Variants in PTPRK observed in about 807,000 individuals in gnomAD.
The protein encoded by PTPRK is protein tyrosine phosphatase receptor type K.
PTPRK carries 75 observed loss-of-function variants against 178.0 expected under a neutral mutation model. That is an observed-to-expected ratio of 0.42 (90% CI 0.35 to 0.51). PTPRK has a LOEUF of 0.51. Among genes scored for constraint, PTPRK ranks in the 20% least tolerant of loss-of-function variants. The pLI is 0.02. For missense variants in PTPRK, 1,441 were observed against 1,797.8 expected, an observed-to-expected ratio of 0.80 and a Z score of 3.59; for synonymous variants, 637 against 620.6, an observed-to-expected ratio of 1.03 and a Z score of -0.39.
chr6:128,372,631 T>G (rs934764492), intron 2 of PTPRK, among the ~76,000 whole-genome samples: 1 of 152,126 alleles, frequency 6.6e-6, no homozygotes, highest in Non-Finnish European at 1.5e-5. Flanking sequence ...AATACTTGAT[T>G]TTAGGTTACT....
At chr6:128,260,813 T>A (rs1428520393) in intron 3 of PTPRK, among the ~76,000 whole-genome samples, 1 of 152,150 alleles carries the variant, frequency 6.6e-6, no homozygotes, top group Non-Finnish European at 1.5e-5. Context: ...TAGAAGATGC[T>A]GCAAAAATAT....
chr6:128,494,730 G>A (rs943885300), intron 1 of PTPRK, among the ~76,000 whole-genome samples: 1 of 152,318 alleles, frequency 6.6e-6, no homozygotes, highest in South Asian at 2.1e-4. Context: ...TTTAAAATCT[G>A]CCCATGATGT....
At chr6:128,169,253 T>C (rs1041248478) in intron 7 of PTPRK, among the ~76,000 whole-genome samples, 5 of 152,126 alleles carry the variant, frequency 3.3e-5, no homozygotes, top group African/African-American at 7.2e-5. Flanking sequence ...GTGAGCTATA[T>C]GTAAATTTGT....
chr6:128,100,337 A>G (rs921211144), intron 7 of PTPRK, among the ~76,000 whole-genome samples: 6 of 152,120 alleles, frequency 3.9e-5, no homozygotes, highest in African/African-American at 1.4e-4. Flanking sequence ...ATTTTTTTAA[A>G]TTACTAGAAT....
chr6:128,001,614 A>G (rs1472513654), intron 15 of PTPRK, among the ~76,000 whole-genome samples: 1 of 151,986 alleles, frequency 6.6e-6, no homozygotes, highest in South Asian at 2.1e-4. Context: ...TAATTATTAC[A>G]GTTTATAAAA....
chr6:128,289,209 C>T (rs986809160), intron 3 of PTPRK, among the ~76,000 whole-genome samples: 12 of 152,108 alleles, frequency 7.9e-5, no homozygotes, highest in African/African-American at 2.9e-4. Context: ...TTCTTAAAGA[C>T]TCTGACATTA....
chr6:128,218,899 A>ATT, intron 6 of PTPRK, 23 bp downstream of exon 6: 3 of 1,583,970 alleles, frequency 1.9e-6, no homozygotes, highest in Non-Finnish European at 2.6e-6. Flanking sequence ...CAATTTCGTG[A>ATT]AGTGAAAACA....
At chr6:128,250,775 G>A (rs1158371182) in intron 3 of PTPRK, among the ~76,000 whole-genome samples, 1 of 152,110 alleles carries the variant, frequency 6.6e-6, no homozygotes, top group African/African-American at 2.4e-5. Flanking sequence ...TAAAATTCTA[G>A]AATCTAGTTA....
intron 1 of PTPRK, among the ~76,000 whole-genome samples, chr6:128,445,437 G>C (rs1408445830): frequency 6.7e-6 from 1 of 149,390 alleles, no homozygotes; most frequent in Non-Finnish European, 1.5e-5. Flanking sequence ...ATCATCTATT[G>C]TATTAGTCCC....
At chr6:128,458,578 C>T (rs980110899) in intron 1 of PTPRK, among the ~76,000 whole-genome samples, 4 of 152,172 alleles carry the variant, frequency 2.6e-5, no homozygotes, top group South Asian at 2.1e-4. Context: ...TTTTTATGTG[C>T]GCATGTGCAC....
chr6:128,101,108 A>T (rs1236840002), intron 7 of PTPRK, among the ~76,000 whole-genome samples: 1 of 152,084 alleles, frequency 6.6e-6, no homozygotes, highest in Non-Finnish European at 1.5e-5. Context: ...ATCTGTATAA[A>T]TATTCACAGA....
intron 13 of PTPRK, among the ~76,000 whole-genome samples, chr6:128,019,139 A>G (rs1215932488): frequency 6.6e-6 from 1 of 152,212 alleles, no homozygotes; most frequent in Admixed American, 6.5e-5. Flanking sequence ...TTCAACAAAA[A>G]AAGTCCAACT....
intron 3 of PTPRK, among the ~76,000 whole-genome samples, chr6:128,309,902 C>T (rs1384500572): frequency 6.6e-6 from 1 of 151,850 alleles, no homozygotes; most frequent in Non-Finnish European, 1.5e-5. Context: ...CTCCCTTATC[C>T]ACTGTCTTTC....
intron 1 of PTPRK, among the ~76,000 whole-genome samples, chr6:128,419,568 C>T (rs1325735413): frequency 6.7e-6 from 1 of 150,094 alleles, no homozygotes; most frequent in East Asian, 2.0e-4. Flanking sequence ...GAGATTGCGC[C>T]ACTGCACCAC....
chr6:128,411,797 A>C (rs1319058948), intron 1 of PTPRK, among the ~76,000 whole-genome samples: 4 of 152,220 alleles, frequency 2.6e-5, no homozygotes, highest in African/African-American at 9.6e-5. Flanking sequence ...AAAAGATCAC[A>C]TATATTCCCA....
At chr6:128,038,417 A>G (rs1229427554) in intron 13 of PTPRK, among the ~76,000 whole-genome samples, 3 of 137,430 alleles carry the variant, frequency 2.2e-5, no homozygotes, top group Non-Finnish European at 4.6e-5. Flanking sequence ...ATCTCAATTT[A>G]TTTGTATGGC....
intron 6 of PTPRK, among the ~76,000 whole-genome samples, chr6:128,197,200 G>A (rs1805027197): frequency 1.9e-5 from 2 of 107,376 alleles, no homozygotes; most frequent in East Asian, 5.0e-4. Flanking sequence ...TTTTTTTTTG[G>A]CTTAAAAAAT....
chr6:128,494,696 C>T (rs750450135), intron 1 of PTPRK, among the ~76,000 whole-genome samples: 40 of 152,208 alleles, frequency 2.6e-4, no homozygotes, highest in Non-Finnish European at 5.0e-4. Flanking sequence ...AGTGGCACCA[C>T]GCCGTCATGC....
At chr6:128,081,621 A>G (rs935907804) in intron 10 of PTPRK, among the ~76,000 whole-genome samples, 2 of 152,032 alleles carry the variant, frequency 1.3e-5, no homozygotes, top group Non-Finnish European at 2.9e-5. Flanking sequence ...CAAAGTCAAA[A>G]TTTGTGCTTT....
Sources: allele counts gnomAD v4.1 joint callset (sites outside exome capture counted in the v4.1 genomes callset), GRCh38; gene constraint gnomAD v4.1.1; transcripts MANE v1.5; gene names NCBI Gene and HGNC (gene_info 2026-07-23, HGNC 2026-07-21).